LUZP2: variants seen among roughly 807,000 people sequenced by gnomAD.
The protein encoded by LUZP2 is leucine zipper protein 2.
Under a neutral mutation model 51.6 loss-of-function variants are expected in LUZP2, and 52 were observed. That is an observed-to-expected ratio of 1.01 (90% CI 0.81 to 1.27). LUZP2 has a LOEUF of 1.27. LUZP2 is among the 50% of genes most tolerant of loss of function. The probability of loss-of-function intolerance (pLI) is 0.00; values close to 1 mark genes in which losing one functional copy is unlikely to be tolerated. For synonymous variants in LUZP2, 154 were observed against 137.3 expected (o/e 1.12, Z -0.85); for missense variants, 436 against 395.4 (o/e 1.10, Z -0.87).
intron 1 of LUZP2, among the ~76,000 whole-genome samples, chr11:24,704,695 A>G (rs890798546): frequency 6.6e-6 from 1 of 152,140 alleles, no homozygotes; most frequent in Non-Finnish European, 1.5e-5. Context: ...AAATTCATAC[A>G]TATACTAACA....
chr11:24,807,024 C>A (rs867776270), intron 5 of LUZP2, among the ~76,000 whole-genome samples: 120 of 110,192 alleles, frequency 1.1e-3, no homozygotes, highest in South Asian at 1.6e-3. Context: ...GAAAATCCAC[C>A]AAAAAAAAAA....
At chr11:25,006,218 C>G (rs951889837) in intron 9 of LUZP2, among the ~76,000 whole-genome samples, 1 of 152,018 alleles carries the variant, frequency 6.6e-6, no homozygotes, top group Non-Finnish European at 1.5e-5. Flanking sequence ...AGGAGAAAAG[C>G]CCCAGAGAGT....
intron 5 of LUZP2, among the ~76,000 whole-genome samples, chr11:24,826,912 G>A (rs1353884445): frequency 1.2e-5 from 1 of 85,170 alleles, no homozygotes; most frequent in Non-Finnish European, 2.9e-5. Context: ...TCATGCTGGT[G>A]TTTAAATGAG....
intron 5 of LUZP2, among the ~76,000 whole-genome samples, chr11:24,853,385 A>G (rs1219117277): frequency 6.6e-6 from 1 of 151,748 alleles, no homozygotes; most frequent in East Asian, 1.9e-4. Context: ...TCAATCTCTG[A>G]TATCTTTTCT....
At chr11:24,781,980 A>T (rs759025685) in intron 5 of LUZP2, among the ~76,000 whole-genome samples, 1 of 152,062 alleles carries the variant, frequency 6.6e-6, no homozygotes, top group Non-Finnish European at 1.5e-5. Context: ...CACGGTTTGG[A>T]TAAGAAGACT....
intron 8 of LUZP2, among the ~76,000 whole-genome samples, chr11:24,982,507 T>C (rs1856066972): frequency 6.6e-6 from 1 of 151,692 alleles, no homozygotes; most frequent in Admixed American, 6.6e-5. Flanking sequence ...CTAATGCAGG[T>C]ACAGAAAACT....
At chr11:24,561,337 T>C (rs1169486228) in intron 1 of LUZP2, among the ~76,000 whole-genome samples, 4 of 152,156 alleles carry the variant, frequency 2.6e-5, no homozygotes, top group African/African-American at 9.6e-5. Flanking sequence ...TCCATAGTGT[T>C]CTAATAACTT....
chr11:25,078,472 T>C, intron 11 of LUZP2, 82 bp from the exon 12 acceptor site: 1 of 1,044,612 alleles, frequency 9.6e-7, no homozygotes, highest in Non-Finnish European at 1.4e-6. Flanking sequence ...ATTTCCATTC[T>C]TATTCTTTTA....
chr11:24,799,824 C>T (rs1263591785), intron 5 of LUZP2, among the ~76,000 whole-genome samples: 1 of 152,002 alleles, frequency 6.6e-6, no homozygotes, highest in Non-Finnish European at 1.5e-5. Flanking sequence ...TATTAGAATA[C>T]AAAAGTAATA....
chr11:24,870,306 A>G (rs1852021324), intron 5 of LUZP2, among the ~76,000 whole-genome samples: 1 of 152,162 alleles, frequency 6.6e-6, no homozygotes, highest in Non-Finnish European at 1.5e-5. Context: ...AGAATTCTGA[A>G]TGCTTATGAA....
intron 1 of LUZP2, among the ~76,000 whole-genome samples, chr11:24,602,126 G>GTATATA (rs533429284): frequency 9.5e-6 from 1 of 105,174 alleles, no homozygotes; most frequent in Non-Finnish European, 2.0e-5. Flanking sequence ...ATGTATATAT[G>GTATATA]TATATGTGTA....
chr11:24,756,552 T>A (rs1859781954), intron 4 of LUZP2, among the ~76,000 whole-genome samples: 1 of 152,140 alleles, frequency 6.6e-6, no homozygotes, highest in East Asian at 1.9e-4. Flanking sequence ...TCTTTTATTA[T>A]TTCTCTTTCC....
chr11:24,741,606 T>G (rs1859144908), intron 4 of LUZP2, among the ~76,000 whole-genome samples: 1 of 151,328 alleles, frequency 6.6e-6, no homozygotes, highest in Non-Finnish European at 1.5e-5. Flanking sequence ...CATTGTATCA[T>G]TCTTATAACT....
chr11:24,638,057 G>A (rs564375505), intron 1 of LUZP2, among the ~76,000 whole-genome samples: 111 of 151,780 alleles, frequency 7.3e-4, no homozygotes, highest in Non-Finnish European at 1.3e-3. Context: ...TTTTCAGACT[G>A]GCCAACACTT....
intron 1 of LUZP2, among the ~76,000 whole-genome samples, chr11:24,557,498 A>G (rs1851908324): frequency 6.6e-6 from 1 of 152,182 alleles, no homozygotes; most frequent in African/African-American, 2.4e-5. Flanking sequence ...AAGCAAATAG[A>G]AGGCATAAAT....
intron 9 of LUZP2, among the ~76,000 whole-genome samples, chr11:25,030,798 C>G (rs558087238): frequency 2.3e-4 from 33 of 145,660 alleles, no homozygotes; most frequent in Middle Eastern, 7.2e-3. Flanking sequence ...GTATTATTTA[C>G]AAATTCTAAA....
At chr11:24,698,426 T>C (rs1373523853) in intron 1 of LUZP2, among the ~76,000 whole-genome samples, 1 of 152,222 alleles carries the variant, frequency 6.6e-6, no homozygotes, top group Non-Finnish European at 1.5e-5. Flanking sequence ...TAGCCATTGA[T>C]ATTATTGTGC....
intron 5 of LUZP2, among the ~76,000 whole-genome samples, chr11:24,831,317 G>T (rs1850699460): frequency 6.6e-6 from 1 of 152,164 alleles, no homozygotes; most frequent in East Asian, 1.9e-4. Flanking sequence ...GTCCAGGGAA[G>T]TTTTACACAG....
intron 1 of LUZP2, among the ~76,000 whole-genome samples, chr11:24,537,423 T>A (rs761561988): frequency 5.3e-5 from 8 of 151,992 alleles, no homozygotes; most frequent in Non-Finnish European, 8.8e-5. Context: ...CTGATCTAAA[T>A]ACAACTCTCG....
Sources: gnomAD v4.1 joint callset for allele counts (sites outside exome capture counted in the v4.1 genomes callset) on GRCh38, gnomAD v4.1.1 for gene constraint, MANE v1.5 for transcripts, NCBI Gene and HGNC (gene_info 2026-07-23, HGNC 2026-07-21) for gene names.